The following NGEF variants were observed in gnomAD, a reference collection of about 807,000 sequenced individuals.
The protein encoded by NGEF is neuronal guanine nucleotide exchange factor, also known as ephexin-1.
A neutral mutation model predicts 80.9 loss-of-function variants in NGEF; 31 were observed. The ratio of observed to expected loss-of-function variants is 0.38; its 90% confidence interval spans 0.29 to 0.52. NGEF has a LOEUF of 0.52. NGEF is among the 20% of genes least tolerant of loss of function. The probability of loss-of-function intolerance (pLI) is 0.84; values close to 1 mark genes in which losing one functional copy is unlikely to be tolerated. For synonymous variants in NGEF, 371 were observed against 370.2 expected (o/e 1.00, Z -0.03); for missense variants, 709 against 926.2 (o/e 0.77, Z 3.04).
At chr2:233,003,771 G>T (rs1695030264) in intron 1 of NGEF, among the ~76,000 whole-genome samples, 1 of 152,210 alleles carries the variant, frequency 6.6e-6, no homozygotes, top group Admixed American at 6.5e-5. Context: ...GCCAAGCTGA[G>T]GCCATCCAGG....
intron 4 of NGEF, among the ~76,000 whole-genome samples, chr2:232,923,959 G>A (rs987169542): frequency 3.3e-5 from 5 of 151,848 alleles, no homozygotes; most frequent in Admixed American, 2.0e-4. Context: ...GGAAAGGGCC[G>A]GGCACAGTGG....
intron 3 of NGEF, among the ~76,000 whole-genome samples, chr2:232,963,701 C>T (rs558831009): frequency 3.3e-5 from 5 of 152,098 alleles, no homozygotes; most frequent in South Asian, 2.1e-4. Context: ...GTAATTCCAG[C>T]GACTTGGGAG....
chr2:232,953,927 G>T (rs73995737), intron 3 of NGEF, among the ~76,000 whole-genome samples: 4,337 of 152,226 alleles, frequency 0.028, 222 homozygotes, highest in African/African-American at 0.098. Context: ...ATAAGTATTT[G>T]TTAAATGAAT....
In NGEF at chr2:233,013,081, G is replaced by A; in HGVS notation, c.-88C>T. 4.2e-6 allele frequency: 2 copies of A among 470,830 alleles called. No homozygotes were observed. Among genetic ancestry groups the A allele is most frequent in the South Asian group, 1.5e-5 (1 of 64,546 alleles). 29.2% of individuals were successfully genotyped at this position (470,830 alleles called of 1,614,324 possible). Reference sequence around the variant, plus strand: ...CCATTCTCTCACCTGCCAGAGAGGAGCTCATAGGAGTTGGGCTTCCTCAGA... The same window carrying A: ...CCATTCTCTCACCTGCCAGAGAGGAACTCATAGGAGTTGGGCTTCCTCAGA... On this transcript the variant is annotated 5_prime_UTR_variant, in exon 1 of 15. Transcript: ENST00000264051.
In NGEF at chr2:232,977,004, C is replaced by T. The variant is rs183513534; in HGVS notation, c.-74-2040G>A. Among the ~76,000 whole-genome samples, 279 of 152,264 alleles carry T rather than the reference C, an allele frequency of 1.8e-3. 2 individuals are homozygous for T. Among genetic ancestry groups the T allele is most frequent in the African/African-American group, 6.5e-3 (269 of 41,556 alleles). Reference sequence around the variant, plus strand: ...ATGGACCATTAATACGCACCCTTCCCGGGAGTGCCTGGGAGGAAGATGCTT... The same window carrying T: ...ATGGACCATTAATACGCACCCTTCCTGGGAGTGCCTGGGAGGAAGATGCTT... On this transcript the variant is annotated intron_variant, in intron 1 of 14. Transcript: ENST00000264051.
intron 3 of NGEF, among the ~76,000 whole-genome samples, chr2:232,959,673 G>C (rs1693905114): frequency 6.6e-6 from 1 of 151,180 alleles, no homozygotes; most frequent in African/African-American, 2.4e-5. Context: ...TCTGTCTCCT[G>C]GGTTCAAGTG....
chr2:232,962,380 T>TACA (rs753764933), intron 3 of NGEF, among the ~76,000 whole-genome samples: 13 of 151,948 alleles, frequency 8.6e-5, no homozygotes, highest in Middle Eastern at 3.4e-3. Flanking sequence ...CTACTAAAAA[T>TACA]ACAACAACAA....
chr2:232,926,926 A>G, intron 4 of NGEF, 118 bp downstream of exon 4: 1 of 1,318,624 alleles, frequency 7.6e-7, no homozygotes, highest in Non-Finnish European at 1.1e-6. Context: ...TTCCTTACCC[A>G]TGTCAGACGC....
chr2:233,012,238 G>A (rs1462490536), intron 1 of NGEF, among the ~76,000 whole-genome samples: 1 of 152,144 alleles, frequency 6.6e-6, no homozygotes. Context: ...GCTGTCACGA[G>A]CCCAGGAAAC....
chr2:232,890,450 G>C (rs975021292), intron 8 of NGEF, among the ~76,000 whole-genome samples: 1 of 152,108 alleles, frequency 6.6e-6, no homozygotes, highest in Non-Finnish European at 1.5e-5. Flanking sequence ...CGGCCTCTTC[G>C]GTTAATTACC....
intron 3 of NGEF, among the ~76,000 whole-genome samples, chr2:232,945,044 G>T (rs905154162): frequency 1.7e-4 from 26 of 151,884 alleles, no homozygotes; most frequent in Non-Finnish European, 3.5e-4. Context: ...GAGCCACCAC[G>T]CCTGGCCTAT....
rs145842578 is a variant in NGEF at position 233,012,075 on chromosome 2, AAGAG to A, written c.-75+989_-75+992del. 1.4e-3 allele frequency among the ~76,000 whole-genome samples: 206 copies of A among 150,930 alleles called. 1 individual carries two copies. Among genetic ancestry groups the A allele is most frequent in the African/African-American group, 4.5e-3 (186 of 41,314 alleles). On this transcript the variant is annotated intron_variant, in intron 1 of 14. Coordinates refer to ENST00000264051, the MANE Select transcript of NGEF (RefSeq NM_019850.3). ...GGCAAAGGGGAAGCCTAAATGGAAA[AAGAG>A]AGAGAGAGAGAGAGAAAGAGAGAAG... is the stretch of plus-strand genomic sequence containing the variant.
chr2:232,896,803 GGGGTGAGGGTAGGGGTAA>G (rs1692099342), intron 5 of NGEF, among the ~76,000 whole-genome samples: 1 of 107,826 alleles, frequency 9.3e-6, no homozygotes, highest in African/African-American at 3.9e-5. Context: ...GGTGAAGGTA[GGGGTGAGGGTAGGGGTAA>G]GGGTGAGGGT....
At chr2:232,879,811 C>T (rs1044707110) in intron 14 of NGEF, 132 bp from the exon 15 acceptor site, 5 of 740,472 alleles carry the variant, frequency 6.8e-6, no homozygotes, top group Admixed American at 2.8e-5. Context: ...CAAAAGGCAG[C>T]GGCTCTGCAC....
intron 1 of NGEF, chr2:233,012,599 A>G: frequency 3.1e-6 from 1 of 321,488 alleles, no homozygotes; most frequent in Non-Finnish European, 6.0e-6. Flanking sequence ...GTTTACATAT[A>G]CGCTCATTAT....
chr2:232,905,317 T>C (rs1485676847), intron 5 of NGEF, among the ~76,000 whole-genome samples: 2 of 152,252 alleles, frequency 1.3e-5, no homozygotes, highest in Admixed American at 1.3e-4. Context: ...TTGGCCGGGC[T>C]GGTCTCCAGC....
chr2:232,894,777 T>C lies in NGEF; in HGVS notation c.968A>G (p.Asp323Gly). 1 of 1,606,184 alleles carries C rather than the reference T, an allele frequency of 6.2e-7. No homozygotes were observed. The highest frequency in any genetic ancestry group is 8.5e-7 in the Non-Finnish European group (1 of 1,174,576). Residue 323 changes from aspartate to glycine, a missense_variant, in exon 6 of 15, where the codon GAC becomes GGC. Coordinates refer to ENST00000264051, the MANE Select transcript of NGEF (RefSeq NM_019850.3). The part of the protein sequence containing the change: ...EAHILFSNVL[D>G]VLAVSERFLL... ...TCACCGCTCACTGACAGCCAGCACGTCCAGGACGTTGGAGAAGAGGATGTG... is the reference window on the plus strand; with the variant it reads ...TCACCGCTCACTGACAGCCAGCACGCCCAGGACGTTGGAGAAGAGGATGTG...
chr2:232,975,094 T>A (rs1694265521), intron 1 of NGEF, 130 bp from the exon 2 acceptor site: 2 of 571,968 alleles, frequency 3.5e-6, no homozygotes, highest in Non-Finnish European at 6.1e-6. Flanking sequence ...ATCCACGTCT[T>A]CGCCACTGAA....
At chr2:232,887,301 G>A (rs1691724585) in intron 9 of NGEF, among the ~76,000 whole-genome samples, 1 of 152,258 alleles carries the variant, frequency 6.6e-6, no homozygotes, top group Non-Finnish European at 1.5e-5. Flanking sequence ...CCTGAGGACT[G>A]AAACATACTC....
Sources: allele counts gnomAD v4.1 joint callset (sites outside exome capture counted in the v4.1 genomes callset), GRCh38; gene constraint gnomAD v4.1.1; transcripts MANE v1.5; gene names NCBI Gene and HGNC (gene_info 2026-07-23, HGNC 2026-07-21).